MYO16: variants seen among roughly 807,000 people sequenced by gnomAD.
MYO16 encodes myosin XVI.
A neutral mutation model predicts 205.3 loss-of-function variants in MYO16; 94 were observed. The ratio of observed to expected loss-of-function variants is 0.46; its 90% confidence interval spans 0.39 to 0.54. MYO16 has a LOEUF of 0.54. Among genes scored for constraint, MYO16 ranks in the 20% least tolerant of loss-of-function variants. The pLI, the probability that MYO16 is intolerant of heterozygous loss-of-function variation, is 0.00. For missense variants in MYO16, 2,315 were observed against 2,387.5 expected (o/e 0.97, Z 0.63); for synonymous variants, 988 against 954.0 (o/e 1.04, Z -0.66).
intron 22 of MYO16, among the ~76,000 whole-genome samples, chr13:109,017,290 ACC>A (rs748115984): frequency 1.3e-5 from 2 of 151,776 alleles, no homozygotes; most frequent in African/African-American, 2.4e-5. Context: ...TTGAATATTG[ACC>A]CCCACTCTCT....
At chr13:108,841,240 TAG>T (rs1209213046) in intron 9 of MYO16, among the ~76,000 whole-genome samples, 1 of 152,152 alleles carries the variant, frequency 6.6e-6, no homozygotes, top group African/African-American at 2.4e-5. Flanking sequence ...TGAAACACAC[TAG>T]AGAGTCCCAA....
At chr13:108,998,622 T>C (rs1295550250) in intron 21 of MYO16, among the ~76,000 whole-genome samples, 1 of 152,168 alleles carries the variant, frequency 6.6e-6, no homozygotes, top group Admixed American at 6.5e-5. Flanking sequence ...ATTCTTTGGG[T>C]CAAGTATTTG....
chr13:108,568,136 C>A, the MYO16 span, among the ~76,000 whole-genome samples: 1 of 151,976 alleles, frequency 6.6e-6, no homozygotes, highest in East Asian at 1.9e-4. Flanking sequence ...GTTATTTCTA[C>A]TTTTTGGTTA....
At chr13:108,850,135 A>C (rs1227290682) in intron 10 of MYO16, among the ~76,000 whole-genome samples, 1 of 151,748 alleles carries the variant, frequency 6.6e-6, no homozygotes, top group African/African-American at 2.4e-5. Flanking sequence ...TTGTGTGTGT[A>C]ACTTATCCAT....
At chr13:108,607,761 C>A (rs1303098375) in intron 1 of MYO16, among the ~76,000 whole-genome samples, 1 of 152,142 alleles carries the variant, frequency 6.6e-6, no homozygotes, top group African/African-American at 2.4e-5. Context: ...TCTTGTGGAG[C>A]TTTTTGGGAC....
In MYO16 at chr13:109,032,927, GA is replaced by G. The variant is rs1268422836; in HGVS notation, c.2796+13020del. Among the ~76,000 whole-genome samples the G allele has an allele frequency of 2.0e-5, 3 of 152,128 alleles. No homozygotes were observed. In the East Asian group the frequency reaches 5.8e-4, roughly 29 times the overall value. On this transcript the variant is annotated intron_variant, in intron 23 of 34. Transcript: ENST00000457511. ...AACAAGGTAGCCTGTGCAAGCTTCA[GA>G]AAAGTCTCTAATTTTAATGCAGAGA...
intron 23 of MYO16, among the ~76,000 whole-genome samples, chr13:109,045,890 C>T (rs1321665113): frequency 6.6e-6 from 1 of 152,172 alleles, no homozygotes; most frequent in Non-Finnish European, 1.5e-5. Context: ...TCAGGTTAGC[C>T]ATCCATACTA....
intron 2 of MYO16, among the ~76,000 whole-genome samples, chr13:108,672,131 T>C (rs1007754227): frequency 6.6e-6 from 1 of 152,158 alleles, no homozygotes; most frequent in African/African-American, 2.4e-5. Flanking sequence ...TTTCTTACAA[T>C]TTAAGAAATT....
At position 109,009,014 on chromosome 13, in the gene MYO16, G is replaced by A. The variant is rs1885502868; in HGVS notation, c.2560G>A (p.Gly854Ser). The A allele has an allele frequency of 6.2e-7, 1 of 1,601,130 alleles. No homozygotes were observed. The highest frequency in any genetic ancestry group is 1.8e-5 in the Admixed American group (1 of 56,596). The change falls in exon 22 of 35, where the codon GGT (glycine) becomes AGT (serine). Residue 854 changes from glycine (G) to serine (S), a missense_variant. Physicochemically the swap from Gly to Ser is moderately conservative, Grantham distance 56. Transcript: ENST00000457511. ...TACCATGGAAACAGCATATTCTCCT[G>A]GTAACCAGAATGGAGTTTTGGACTT... ...GVTMETAYSP[G>S]NQNGVLDFFF...
At chr13:108,750,723 T>A (rs1885208942) in intron 4 of MYO16, among the ~76,000 whole-genome samples, 1 of 151,638 alleles carries the variant, frequency 6.6e-6, no homozygotes, top group African/African-American at 2.4e-5. Context: ...GGGGGAATCG[T>A]TTGAACCTAG....
chr13:108,808,945 A>G (rs1233271962), intron 7 of MYO16, among the ~76,000 whole-genome samples: 3 of 152,224 alleles, frequency 2.0e-5, no homozygotes, highest in Non-Finnish European at 4.4e-5. Flanking sequence ...CACAGGAATC[A>G]CCAAATGATA....
At chr13:108,804,512 G>A (rs1887057638) in intron 6 of MYO16, among the ~76,000 whole-genome samples, 1 of 152,058 alleles carries the variant, frequency 6.6e-6, no homozygotes, top group African/African-American at 2.4e-5. Context: ...TTTTGTTGTT[G>A]TTGTTGTTGT....
intron 33 of MYO16, 48 bp downstream of exon 33, chr13:109,165,107 G>A: frequency 1.4e-6 from 2 of 1,405,092 alleles, no homozygotes; most frequent in Non-Finnish European, 1.9e-6. Context: ...GTTTTAGGCT[G>A]TATCAACTTT....
chr13:108,609,368 C>A (rs1350294120), intron 1 of MYO16, among the ~76,000 whole-genome samples: 1 of 152,212 alleles, frequency 6.6e-6, no homozygotes, highest in Non-Finnish European at 1.5e-5. Context: ...GGTTCCTTAA[C>A]GCTTAGCCTT....
Position 109,176,566 on chromosome 13 carries a change from T to C in MYO16, c.5324-2976T>C, listed in dbSNP as rs7988617. ...CTTCTAATACGGCAGCTAAATAAAA[T>C]ATTGTGCTGGTAAAAAAAAAAAAAA... On this transcript the variant is annotated intron_variant, in intron 33 of 34. Coordinates refer to ENST00000457511, the MANE Select transcript of MYO16 (RefSeq NM_001198950.3). Among the ~76,000 whole-genome samples, 228 of 30,422 alleles carry C rather than the reference T, an allele frequency of 7.5e-3. 1 individual carries two copies. Among genetic ancestry groups the C allele is most frequent in the African/African-American group, 0.032 (210 of 6,590 alleles). 20.0% of individuals were successfully genotyped at this position (30,422 alleles called of 152,430 possible).
At chr13:108,761,201 C>G (rs1011707970) in intron 4 of MYO16, among the ~76,000 whole-genome samples, 4 of 152,174 alleles carry the variant, frequency 2.6e-5, no homozygotes, top group African/African-American at 9.7e-5. Context: ...CTAGAACTTG[C>G]CTGCTGAGCC....
chr13:108,994,711 C>T (rs769453441), intron 21 of MYO16, among the ~76,000 whole-genome samples: 11 of 152,094 alleles, frequency 7.2e-5, no homozygotes, highest in Admixed American at 2.0e-4. Flanking sequence ...GTTCTTCACT[C>T]GAACGTCAAC....
intron 27 of MYO16, among the ~76,000 whole-genome samples, chr13:109,090,739 G>T (rs1555330781): frequency 6.6e-6 from 1 of 152,150 alleles, no homozygotes; most frequent in Non-Finnish European, 1.5e-5. Flanking sequence ...ATTTCTGTGT[G>T]AACTAGAACG....
chr13:108,714,631 G>GATT (rs749842308), intron 3 of MYO16, among the ~76,000 whole-genome samples: 1,533 of 133,822 alleles, frequency 0.011, 12 homozygotes, highest in Non-Finnish European at 0.019. Context: ...TAGAGAGAGA[G>GATT]AGATTAGATA....
Sources: allele counts gnomAD v4.1 joint callset (sites outside exome capture counted in the v4.1 genomes callset), GRCh38; gene constraint gnomAD v4.1.1; transcripts MANE v1.5; gene names NCBI Gene and HGNC (gene_info 2026-07-23, HGNC 2026-07-21).